Variants in RAD51B observed in about 807,000 individuals in gnomAD.
The protein encoded by RAD51B is RAD51 paralog B.
RAD51B carries 38 observed loss-of-function variants against 42.2 expected under a neutral mutation model. The observed-to-expected ratio is 0.90, with a 90% CI of 0.70 to 1.18. The LOEUF is 1.18. RAD51B is among the 50% of genes most tolerant of loss of function. RAD51B has a pLI of 0.00. For synonymous variants in RAD51B, 154 were observed against 145.2 expected (o/e 1.06, Z -0.43); for missense variants, 373 against 400.7 (o/e 0.93, Z 0.59).
intron 7 of RAD51B, among the ~76,000 whole-genome samples, chr14:67,981,434 G>A (rs11158710): frequency 0.06 from 9,112 of 152,164 alleles, 642 homozygotes; most frequent in African/African-American, 0.17. Flanking sequence ...TATACCCACC[G>A]TACTCTTCAG....
intron 11 of RAD51B, among the ~76,000 whole-genome samples, chr14:68,678,060 G>C (rs1202142183): frequency 6.6e-6 from 1 of 152,136 alleles, no homozygotes; most frequent in Non-Finnish European, 1.5e-5. Context: ...TTTAAGAGGT[G>C]GATATTTTTA....
At chr14:68,324,087 C>T (rs1385182828) in intron 8 of RAD51B, among the ~76,000 whole-genome samples, 4 of 152,160 alleles carry the variant, frequency 2.6e-5, no homozygotes, top group East Asian at 3.8e-4. Flanking sequence ...ATAAATAAAG[C>T]CACACTCACA....
At chr14:67,952,218 A>AAG in intron 7 of RAD51B, among the ~76,000 whole-genome samples, 1 of 152,166 alleles carries the variant, frequency 6.6e-6, no homozygotes, top group Non-Finnish European at 1.5e-5. Context: ...ATTTATAGAA[A>AAG]AAAAAAAAGA....
intron 7 of RAD51B, among the ~76,000 whole-genome samples, chr14:68,125,859 T>C (rs2077749136): frequency 6.6e-6 from 1 of 152,142 alleles, no homozygotes; most frequent in Admixed American, 6.5e-5. Flanking sequence ...TTCTTAGAAC[T>C]GTAGCTCCAT....
chr14:68,227,233 A>G (rs2080057113), intron 7 of RAD51B, among the ~76,000 whole-genome samples: 4 of 152,190 alleles, frequency 2.6e-5, no homozygotes, highest in African/African-American at 9.7e-5. Context: ...CTTTCTTCAA[A>G]TAGTCTCTTC....
At chr14:68,241,557 A>T (rs2080388377) in intron 7 of RAD51B, among the ~76,000 whole-genome samples, 3 of 152,096 alleles carry the variant, frequency 2.0e-5, no homozygotes, top group Admixed American at 6.5e-5. Flanking sequence ...TAAAAAAATA[A>T]AAAAAAATTG....
chr14:68,132,628 C>G (rs1477639772), intron 7 of RAD51B, among the ~76,000 whole-genome samples: 1 of 152,170 alleles, frequency 6.6e-6, no homozygotes, highest in African/African-American at 2.4e-5. Flanking sequence ...GATTGAACAG[C>G]CAAACTGTGG....
intron 7 of RAD51B, among the ~76,000 whole-genome samples, chr14:68,193,964 G>A (rs755705316): frequency 4.6e-5 from 7 of 152,198 alleles, no homozygotes; most frequent in East Asian, 3.9e-4. Context: ...TTACTACCAC[G>A]AATTCTGGGA....
intron 11 of RAD51B, among the ~76,000 whole-genome samples, chr14:68,660,817 T>C (rs1892917778): frequency 1.3e-5 from 2 of 152,216 alleles, no homozygotes; most frequent in South Asian, 2.1e-4. Context: ...TGTTTCCAGC[T>C]GATAAGTGAA....
chr14:68,673,509 TAC>T (rs1218419958), intron 11 of RAD51B, among the ~76,000 whole-genome samples: 3 of 151,368 alleles, frequency 2.0e-5, no homozygotes, highest in African/African-American at 4.9e-5. Flanking sequence ...CACATGTATG[TAC>T]ACACATATGT....
At chr14:68,118,220 A>G (rs73286263) in intron 7 of RAD51B, among the ~76,000 whole-genome samples, 2,036 of 152,346 alleles carry the variant, frequency 0.013, 44 homozygotes, top group African/African-American at 0.046. Context: ...AACATCTAAT[A>G]TAAGTATAGT....
At chr14:68,409,078 T>C (rs1043592326) in intron 8 of RAD51B, among the ~76,000 whole-genome samples, 26 of 152,230 alleles carry the variant, frequency 1.7e-4, no homozygotes, top group Non-Finnish European at 3.7e-4. Context: ...TTTGAAATGT[T>C]CTAAAGTTAA....
chr14:68,498,823 A>G (rs1884722847), intron 10 of RAD51B, among the ~76,000 whole-genome samples: 1 of 152,232 alleles, frequency 6.6e-6, no homozygotes, highest in African/African-American at 2.4e-5. Flanking sequence ...AATGCATTGT[A>G]TTATAATCTG....
At chr14:68,149,947 AC>A (rs1288718557) in intron 7 of RAD51B, 1 of 150,478 alleles carries the variant, frequency 6.6e-6, no homozygotes, top group Admixed American at 6.6e-5. Flanking sequence ...GAAGTTGAAG[AC>A]TTTTTTTTTT....
intron 8 of RAD51B, among the ~76,000 whole-genome samples, chr14:68,361,023 C>G (rs144174177): frequency 6.6e-6 from 1 of 152,222 alleles, no homozygotes; most frequent in Non-Finnish European, 1.5e-5. Flanking sequence ...AATGACCTTT[C>G]TAGGTTTTAT....
chr14:68,434,237 C>G lies in RAD51B; in HGVS notation c.957+22710C>G, dbSNP rs144351339. 4.0e-3 allele frequency among the ~76,000 whole-genome samples: 616 copies of G among 152,298 alleles called. 6 individuals are homozygous for G. Among genetic ancestry groups the G allele is most frequent in the African/African-American group, 0.014 (594 of 41,558 alleles). ...TCTGTCTGTTCTCAGATCTCAAACT[C>G]TGTGCTGGGAGAACCACTACTCTCT... is the stretch of plus-strand genomic sequence containing the variant. On this transcript the variant is annotated intron_variant, in intron 9 of 10. Coordinates refer to ENST00000471583, the MANE Select transcript of RAD51B (RefSeq NM_133510.4).
chr14:68,499,807 C>T (rs907294138), intron 10 of RAD51B, among the ~76,000 whole-genome samples: 2 of 152,130 alleles, frequency 1.3e-5, no homozygotes, highest in Middle Eastern at 3.2e-3. Flanking sequence ...AGAGGTCTCC[C>T]CAAGAGCCTT....
intron 8 of RAD51B, among the ~76,000 whole-genome samples, chr14:68,348,425 TCTTA>T (rs2082715366): frequency 6.6e-6 from 1 of 152,188 alleles, no homozygotes; most frequent in Non-Finnish European, 1.5e-5. Context: ...AATTAAGATT[TCTTA>T]CTTGTGATTT....
rs900192011 is a variant in RAD51B, at chr14:68,437,599, C to T, written c.957+26072C>T. 2.6e-5 allele frequency among the ~76,000 whole-genome samples: 4 copies of T among 152,160 alleles called. No homozygotes were observed. The East Asian group carries it at 7.7e-4, about 29-fold the overall frequency. On this transcript the variant is annotated intron_variant, in intron 9 of 10. Coordinates refer to ENST00000471583, the MANE Select transcript of RAD51B (RefSeq NM_133510.4). Reference sequence around the variant, plus strand: ...CACCTCCCCTTTCCCTCCATTCCTGCCTCATTTTTTCATCCTTCATATCCT... The same window carrying T: ...CACCTCCCCTTTCCCTCCATTCCTGTCTCATTTTTTCATCCTTCATATCCT...
Sources: allele counts gnomAD v4.1 joint callset (sites outside exome capture counted in the v4.1 genomes callset), GRCh38; gene constraint gnomAD v4.1.1; transcripts MANE v1.5; gene names NCBI Gene and HGNC (gene_info 2026-07-23, HGNC 2026-07-21).